PSMD8: variants seen among roughly 807,000 people sequenced by gnomAD.
PSMD8 encodes proteasome 26S subunit, non-ATPase 8, also known as 26S proteasome non-ATPase regulatory subunit 8.
In PSMD8, 30 loss-of-function variants were observed where a neutral mutation model predicts 40.0. The ratio of observed to expected loss-of-function variants is 0.75; its 90% CI spans 0.56 to 1.02. The LOEUF (loss-of-function observed/expected upper bound fraction) is 1.02. Ranked by LOEUF, PSMD8 falls within the 50% of genes least tolerant of loss-of-function variation. The pLI is 0.00. For synonymous variants in PSMD8, 208 were observed against 192.5 expected (o/e 1.08, Z -0.67); for missense variants, 461 against 463.9 (o/e 0.99, Z 0.06).
chr19:38,380,723 T>TGTGTGTGTGCGCGC (rs575195574), intron 4 of PSMD8, among the ~76,000 whole-genome samples, 176 bp from the exon 5 acceptor site: 3 of 144,006 alleles, frequency 2.1e-5, no homozygotes, highest in South Asian at 4.7e-4. Flanking sequence ...TGTGTGTGTG[T>TGTGTGTGTGCGCGC]GTGTGTGCGC....
At chr19:38,382,309 C>T in intron 6 of PSMD8, 81 bp downstream of exon 6, 2 of 1,128,488 alleles carry the variant, frequency 1.8e-6, no homozygotes, top group Middle Eastern at 1.9e-4. Flanking sequence ...TAGAGGGACA[C>T]TGGAACAAGA....
Position 38,374,902 on chromosome 19 carries a change from G to T in PSMD8, c.301G>T (p.Glu101Ter). The change falls in exon 1 of 7, where the codon GAG becomes TAG. Residue 101 changes from glutamate to a stop codon, truncating the protein, a stop_gained. Transcript: ENST00000215071. LOFTEE classifies it high-confidence loss of function. Reference sequence around the variant, plus strand: ...CGGCATGTACGAGCAACTCAAGGGCGAGTGGAACCGTAAAAGCCCCAATCT... The same window carrying T: ...CGGCATGTACGAGCAACTCAAGGGCTAGTGGAACCGTAAAAGCCCCAATCT... The part of the protein sequence containing the change: ...ATGMYEQLKG[E>*]WNRKSPNLSK... 1 of 1,587,370 alleles carries T rather than the reference G, an allele frequency of 6.3e-7. No homozygotes were observed.
In PSMD8 at chr19:38,378,720, G is replaced by A. The variant is rs142192005; in HGVS notation, c.537-520G>A. Reference sequence around the variant, plus strand: ...TGTAATCCAAGCACTTTGGGAGGCCGAGGTGGGTGGATCACGAGATCAGGA... The same window carrying A: ...TGTAATCCAAGCACTTTGGGAGGCCAAGGTGGGTGGATCACGAGATCAGGA... On this transcript the variant is annotated intron_variant, in intron 3 of 6. Coordinates refer to ENST00000215071, the MANE Select transcript of PSMD8 (RefSeq NM_002812.5). 1.9e-3 allele frequency among the ~76,000 whole-genome samples: 293 copies of A among 151,378 alleles called. 8 individuals are homozygous for A. In the East Asian group the frequency reaches 0.02, roughly 10 times the overall value.
Position 38,382,242 on chromosome 19 carries a change from A to C in PSMD8, c.915+14A>C, listed in dbSNP as rs1278480098. 7.7e-6 allele frequency: 12 copies of C among 1,567,866 alleles called. No individual in the cohort carries two copies. The highest frequency in any genetic ancestry group is 1.4e-5 in the African/African-American group (1 of 73,784). ...TACGCCAAGAAGGTGGCTGGGGTACAGGGCAAGGGGCCGTGGGACCAAGGG... is the reference window on the plus strand; with the variant it reads ...TACGCCAAGAAGGTGGCTGGGGTACCGGGCAAGGGGCCGTGGGACCAAGGG... On this transcript the variant is annotated intron_variant, in intron 6 of 6. Coordinates refer to ENST00000215071, the MANE Select transcript of PSMD8 (RefSeq NM_002812.5).
Position 38,376,141 on chromosome 19 carries a change from T to G in PSMD8, c.361-19T>G. On this transcript the variant is annotated intron_variant, in intron 1 of 6. Transcript: ENST00000215071. ...GAATTCCCTTCTTTTCTTTCTTCCCTCCCTCCCCTCCCCATCAGCTAGTTC... is the reference window on the plus strand; with the variant it reads ...GAATTCCCTTCTTTTCTTTCTTCCCGCCCTCCCCTCCCCATCAGCTAGTTC... 10 of 1,356,150 alleles carry G rather than the reference T, an allele frequency of 7.4e-6. No individual in the cohort carries two copies. The highest frequency in any genetic ancestry group is 1.0e-5 in the Non-Finnish European group (10 of 952,940). The allele number at this position is 1,356,150 out of a possible 1,614,324, so 84.0% of individuals were successfully genotyped here.
In PSMD8 at chr19:38,374,684, C is replaced by T; in HGVS notation, c.83C>T (p.Ala28Val). ...CGGGGCGGGCTGAGGCAGGTTGTAG[C>T]CCCGCCCCGGGCCTTGGGCTCCACC... ...ATRGGLRQVV[A>V]PPRALGSTSR... Residue 28 changes from alanine to valine, a missense_variant, in exon 1 of 7, where the codon GCC becomes GTC. This residue lies in a region of PSMD8 where 225 missense variants were observed against 142.7 expected (regional missense o/e 1.58). Transcript: ENST00000215071. The T allele has an allele frequency of 1.3e-6, 2 of 1,542,324 alleles. No homozygotes were observed. Among genetic ancestry groups the T allele is most frequent in the South Asian group, 1.2e-5 (1 of 84,194 alleles).
In PSMD8 at chr19:38,374,715, G is replaced by A. The variant is rs1246415171; in HGVS notation, c.114G>A (p.Arg38=). Residue 38 remains arginine, a synonymous_variant, in exon 1 of 7, where the codon CGG becomes CGA. Coordinates refer to ENST00000215071, the MANE Select transcript of PSMD8 (RefSeq NM_002812.5). ...CCCGGGCCTTGGGCTCCACCTCTCG[G>A]CCCCACTTCCGCCGGGCAAGCGTTT... ...APPRALGSTS[R]PHFRRASVCR... The A allele has an allele frequency of 1.9e-6, 3 of 1,546,242 alleles. No homozygotes were observed. Among genetic ancestry groups the A allele is most frequent in the Non-Finnish European group, 2.6e-6 (3 of 1,148,766 alleles).
intron 5 of PSMD8, among the ~76,000 whole-genome samples, chr19:38,381,899 A>G (rs1252631053): frequency 6.6e-6 from 1 of 152,122 alleles, no homozygotes; most frequent in Non-Finnish European, 1.5e-5. Flanking sequence ...CCCAGGAGTC[A>G]GAGATTTCAG....
chr19:38,380,004 G>A (rs529812428), intron 4 of PSMD8, among the ~76,000 whole-genome samples: 11 of 152,272 alleles, frequency 7.2e-5, no homozygotes, highest in East Asian at 1.9e-4. Flanking sequence ...AAAGAAAAGG[G>A]TGGCCGTGCA....
intron 1 of PSMD8, 69 bp from the exon 2 acceptor site, chr19:38,376,084 CAGAGCGT>C: frequency 7.2e-7 from 1 of 1,383,390 alleles, no homozygotes. Flanking sequence ...GTGGGAAGAC[CAGAGCGT>C]AGAGCAGGTA....
In PSMD8 at chr19:38,380,954, C is replaced by G. The variant is rs1472953273; in HGVS notation, c.758C>G (p.Ala253Gly). Residue 253 changes from alanine to glycine, a missense_variant, in exon 5 of 7, where the codon GCC becomes GGC. Coordinates refer to ENST00000215071, the MANE Select transcript of PSMD8 (RefSeq NM_002812.5). ...KVFLAKGNIP[A>G]ESYTFFIDIL... Reference sequence around the variant, plus strand: ...TTCCTGGCCAAGGGTAACATCCCCGCCGAGAGCTACACCTTCTTCATTGAC... The same window carrying G: ...TTCCTGGCCAAGGGTAACATCCCCGGCGAGAGCTACACCTTCTTCATTGAC... 1.3e-6 allele frequency: 2 copies of G among 1,591,118 alleles called. No homozygotes were observed. The highest frequency in any genetic ancestry group is 1.7e-6 in the Non-Finnish European group (2 of 1,167,870).
At position 38,376,391 on chromosome 19, in the gene PSMD8, G is replaced by T. The variant is rs200403794; in HGVS notation, c.473G>T (p.Arg158Leu). The T allele has an allele frequency of 1.4e-5, 21 of 1,552,496 alleles. No homozygotes were observed. Among genetic ancestry groups the T allele is most frequent in the African/African-American group, 4.1e-5 (3 of 73,072 alleles). ...LEIGAQWSIL[R>L]KDIPSFERYM... ...ATCGGGGCCCAATGGAGCATCCTAC[G>T]CAAGGACATCCCCTCCTTCGAGCGC... The change falls in exon 3 of 7, where the codon CGC (arginine) becomes CTC (leucine). Residue 158 changes from arginine (R) to leucine (L), a missense_variant. Arg to Leu is a moderately radical substitution (Grantham distance 102). Around this residue, in one of 2 missense-constraint regions of PSMD8, gnomAD observed 236 missense variants for 321.2 expected, o/e 0.73. Coordinates refer to ENST00000215071, the MANE Select transcript of PSMD8 (RefSeq NM_002812.5).
chr19:38,376,516 A>C, intron 3 of PSMD8, 62 bp downstream of exon 3: 3 of 1,387,782 alleles, frequency 2.2e-6, no homozygotes, highest in Non-Finnish European at 3.0e-6. Flanking sequence ...TTATTTCTGG[A>C]GCTCTGGCTG....
Position 38,374,889 on chromosome 19 carries a change from G to A in PSMD8, c.288G>A (p.Glu96=), listed in dbSNP as rs1162727826. The A allele has an allele frequency of 1.3e-6, 2 of 1,587,868 alleles. No homozygotes were observed. Among genetic ancestry groups the A allele is most frequent in the Non-Finnish European group, 8.5e-7 (1 of 1,175,046 alleles). ...TGCAGGCCGCGACCGGCATGTACGAGCAACTCAAGGGCGAGTGGAACCGTA... is the reference window on the plus strand; with the variant it reads ...TGCAGGCCGCGACCGGCATGTACGAACAACTCAAGGGCGAGTGGAACCGTA... ...AVLQAATGMY[E]QLKGEWNRKS... Residue 96 remains glutamate, a synonymous_variant, in exon 1 of 7, where the codon GAG becomes GAA. Coordinates refer to ENST00000215071, the MANE Select transcript of PSMD8 (RefSeq NM_002812.5).
chr19:38,383,703 C>G lies in PSMD8; in HGVS notation c.*313C>G, dbSNP rs907814645. The G allele has an allele frequency of 5.0e-6, 2 of 397,932 alleles. No individual in the cohort carries two copies. Among genetic ancestry groups the G allele is most frequent in the African/African-American group, 4.0e-5 (2 of 50,202 alleles). The allele number at this position is 397,932 out of a possible 1,614,324, so 24.7% of individuals were successfully genotyped here. A position where few individuals can be genotyped will look rare whatever the true frequency, so the allele number is the denominator to read the frequency against. ...CATGGCCCCAGGTAGGGGGACTGTT[C>G]TAGCCAGCTGTGGACACATAGGAAT... On this transcript the variant is annotated 3_prime_UTR_variant, in exon 7 of 7. Coordinates refer to ENST00000215071, the MANE Select transcript of PSMD8 (RefSeq NM_002812.5).
chr19:38,380,838 G>T, intron 4 of PSMD8, 61 bp from the exon 5 acceptor site: 1 of 1,325,540 alleles, frequency 7.5e-7, no homozygotes, highest in South Asian at 1.4e-5. Flanking sequence ...GGCCCACACA[G>T]GTAGGCCCCT....
At position 38,382,180 on chromosome 19, in the gene PSMD8, G is replaced by A; in HGVS notation, c.867G>A (p.Arg289=). ...YEKILFTEAT[R]ILFFNTPKKM... ...AAATCCTTTTCACTGAGGCCACCCGGATCCTCTTCTTCAACACACCCAAAA... is the reference window on the plus strand; with the variant it reads ...AAATCCTTTTCACTGAGGCCACCCGAATCCTCTTCTTCAACACACCCAAAA... The change falls in exon 6 of 7, where the codon CGG becomes CGA. Residue 289 remains arginine, a synonymous_variant. Transcript: ENST00000215071. 1.3e-6 allele frequency: 2 copies of A among 1,596,472 alleles called. No individual in the cohort carries two copies. The highest frequency in any genetic ancestry group is 1.7e-6 in the Non-Finnish European group (2 of 1,171,918).
At chr19:38,381,212 C>T (rs1018890527) in intron 5 of PSMD8, 2 of 498,504 alleles carry the variant, frequency 4.0e-6, no homozygotes, top group Non-Finnish European at 7.1e-6. Context: ...TGGCTGTTGA[C>T]ATGTGTGGCC....
chr19:38,378,765 A>G (rs1297762605), intron 3 of PSMD8, among the ~76,000 whole-genome samples: 1 of 151,766 alleles, frequency 6.6e-6, no homozygotes, highest in African/African-American at 2.4e-5. Context: ...CAGCCTGGCC[A>G]GCATAGTGAA....
Sources: gnomAD v4.1 joint callset for allele counts (sites outside exome capture counted in the v4.1 genomes callset) on GRCh38, gnomAD v4.1.1 for gene constraint, gnomAD v4.1.1 regional missense constraint, MANE v1.5 for transcripts, NCBI Gene and HGNC (gene_info 2026-07-23, HGNC 2026-07-21) for gene names.